Variants in LARGE1 observed in about 807,000 individuals in gnomAD.
LARGE1 encodes the protein LARGE xylosyl- and glucuronyltransferase 1, also known as xylosyl- and glucuronyltransferase LARGE1.
LARGE1 carries 43 observed loss-of-function variants against 87.6 expected under a neutral mutation model. The ratio of observed to expected loss-of-function variants is 0.49; its 90% CI spans 0.38 to 0.63. LARGE1 has a LOEUF of 0.63. LARGE1 is among the 30% of genes least tolerant of loss of function. LARGE1 has a pLI of 0.00. For synonymous variants in LARGE1, 434 were observed against 394.6 expected, an observed-to-expected ratio of 1.10 and a Z score of -1.18; for missense variants, 802 against 1,000.2, an observed-to-expected ratio of 0.80 and a Z score of 2.67.
rs76893712 is a variant in LARGE1, at chr22:33,368,083, T to C, written c.1131+13836A>G. Reference sequence around the variant, plus strand: ...TTGATGTCTAGTACTTGGTTTCTTTTTAATAAATGTTCCATATGAGCCTAA... The same window carrying C: ...TTGATGTCTAGTACTTGGTTTCTTTCTAATAAATGTTCCATATGAGCCTAA... On this transcript the variant is annotated intron_variant, in intron 9 of 14. Coordinates refer to ENST00000397394, the MANE Select transcript of LARGE1 (RefSeq NM_133642.5). Among the ~76,000 whole-genome samples, 1,347 of 152,290 alleles carry C rather than the reference T, an allele frequency of 8.8e-3. 20 individuals are homozygous for C. Among genetic ancestry groups the C allele is most frequent in the African/African-American group, 0.03 (1,236 of 41,562 alleles).
chr22:33,302,640 G>A (rs536216145), intron 12 of LARGE1, among the ~76,000 whole-genome samples: 2 of 152,302 alleles, frequency 1.3e-5, no homozygotes, highest in East Asian at 1.9e-4. Context: ...GTAAGAGAAA[G>A]ATACTAAGAG....
chr22:33,687,946 T>C (rs1433375298), intron 2 of LARGE1, among the ~76,000 whole-genome samples: 1 of 152,152 alleles, frequency 6.6e-6, no homozygotes, highest in Admixed American at 6.5e-5. Flanking sequence ...ATATGCTTAT[T>C]CCCTCCCTAG....
intron 9 of LARGE1, among the ~76,000 whole-genome samples, chr22:33,342,217 C>T (rs1203787098): frequency 6.6e-6 from 1 of 152,176 alleles, no homozygotes; most frequent in East Asian, 1.9e-4. Flanking sequence ...GATTCCGGTG[C>T]TTGCCAAGTG....
chr22:33,853,804 G>A (rs1052340495), intron 1 of LARGE1, among the ~76,000 whole-genome samples: 2 of 152,224 alleles, frequency 1.3e-5, no homozygotes, highest in Non-Finnish European at 1.5e-5. Flanking sequence ...CTGCCTTGGG[G>A]CAGGCACTAA....
intron 11 of LARGE1, among the ~76,000 whole-genome samples, chr22:33,234,520 T>G (rs1159928161): frequency 6.6e-6 from 1 of 150,974 alleles, no homozygotes; most frequent in Non-Finnish European, 1.5e-5. Flanking sequence ...AAAAAGCAAG[T>G]TTTTTTTTGT....
rs2065899803 is a variant in LARGE1, at chr22:33,920,025, G to A, written c.-113C>T. 6.6e-6 allele frequency: 1 copy of A among 152,384 alleles called. No homozygotes were observed. Among genetic ancestry groups the A allele is most frequent in the Non-Finnish European group, 1.5e-5 (1 of 68,210 alleles). The allele number at this position is 152,384 out of a possible 1,614,324, so 9.4% of individuals were successfully genotyped here. A position where few individuals can be genotyped will look rare whatever the true frequency, so the allele number is the denominator to read the frequency against. ...CCGTGACTGCCGCCAGGCAGAGGGA[G>A]ACACGGAAGAACAGGGTGGCGCGGC... On this transcript the variant is annotated 5_prime_UTR_variant, in exon 1 of 15. Coordinates refer to ENST00000397394, the MANE Select transcript of LARGE1 (RefSeq NM_133642.5).
intron 11 of LARGE1, among the ~76,000 whole-genome samples, chr22:33,308,679 G>A (rs1056261125): frequency 7.2e-5 from 11 of 152,060 alleles, no homozygotes; most frequent in South Asian, 2.1e-4. Flanking sequence ...TTGCCCTGGC[G>A]TTCCCATGGT....
chr22:33,539,762 T>C (rs1053150645), intron 6 of LARGE1, among the ~76,000 whole-genome samples: 3 of 152,048 alleles, frequency 2.0e-5, no homozygotes, highest in African/African-American at 4.8e-5. Context: ...TATTTTTTTG[T>C]AGAGAAGAGG....
At chr22:33,282,642 C>T (rs1242425094) in intron 13 of LARGE1, among the ~76,000 whole-genome samples, 1 of 152,198 alleles carries the variant, frequency 6.6e-6, no homozygotes, top group African/African-American at 2.4e-5. Context: ...CTGTTTGCGA[C>T]TGTCACTTGG....
At chr22:33,226,090 C>A (rs1212401386) in intron 11 of LARGE1, among the ~76,000 whole-genome samples, 1 of 152,188 alleles carries the variant, frequency 6.6e-6, no homozygotes, top group African/African-American at 2.4e-5. Context: ...GGGACTGGTA[C>A]ATTGAATAGT....
At chr22:33,259,215 TC>T (rs1927486378) in intron 11 of LARGE1, among the ~76,000 whole-genome samples, 1 of 152,174 alleles carries the variant, frequency 6.6e-6, no homozygotes, top group Non-Finnish European at 1.5e-5. Flanking sequence ...GAAGGGTTTA[TC>T]TGATTCCTGT....
At chr22:33,604,097 G>GT (rs1569305696) in intron 5 of LARGE1, among the ~76,000 whole-genome samples, 3 of 152,082 alleles carry the variant, frequency 2.0e-5, no homozygotes, top group Non-Finnish European at 4.4e-5. Flanking sequence ...AGCCCATGGG[G>GT]GTCTGAGTTC....
At chr22:33,750,459 A>T (rs1569425349) in intron 2 of LARGE1, 1 of 152,246 alleles carries the variant, frequency 6.6e-6, no homozygotes, top group Non-Finnish European at 1.5e-5. Flanking sequence ...AGCCAGATGC[A>T]GCCAATCTTG....
chr22:33,279,867 A>G (rs78317122), intron 13 of LARGE1, among the ~76,000 whole-genome samples: 7,108 of 152,296 alleles, frequency 0.047, 227 homozygotes, highest in Middle Eastern at 0.088. Context: ...GTGAACTTGT[A>G]TGAGGTTTTA....
chr22:33,704,447 T>C (rs2082500274), intron 2 of LARGE1, among the ~76,000 whole-genome samples: 1 of 152,122 alleles, frequency 6.6e-6, no homozygotes, highest in African/African-American at 2.4e-5. Context: ...GCTCACCGAG[T>C]GCTCTCTTAG....
intron 1 of LARGE1, among the ~76,000 whole-genome samples, chr22:33,772,467 A>C (rs2085100907): frequency 6.6e-6 from 1 of 151,986 alleles, no homozygotes. Context: ...TACTCCAGCC[A>C]CACTGACCCC....
chr22:33,701,921 C>T (rs149224893), intron 2 of LARGE1, among the ~76,000 whole-genome samples: 124 of 152,290 alleles, frequency 8.1e-4, no homozygotes, highest in African/African-American at 2.6e-3. Flanking sequence ...ATTTGAGTGT[C>T]GGCCTCTTGT....
intron 11 of LARGE1, among the ~76,000 whole-genome samples, chr22:33,169,796 A>T (rs1283521741): frequency 6.6e-6 from 1 of 151,982 alleles, no homozygotes; most frequent in Non-Finnish European, 1.5e-5. Flanking sequence ...GGTTGCAGTG[A>T]GCCAAGATCT....
At chr22:33,353,752 A>G (rs1940628155) in intron 9 of LARGE1, among the ~76,000 whole-genome samples, 2 of 152,200 alleles carry the variant, frequency 1.3e-5, no homozygotes, top group South Asian at 2.1e-4. Context: ...ATGAAAAGAG[A>G]GTATGTGGAA....
Sources: allele counts gnomAD v4.1 joint callset (sites outside exome capture counted in the v4.1 genomes callset), GRCh38; gene constraint gnomAD v4.1.1; transcripts MANE v1.5; gene names NCBI Gene and HGNC (gene_info 2026-07-23, HGNC 2026-07-21).